Variants in ADGRL3 observed in about 807,000 individuals in gnomAD.
ADGRL3 encodes the protein adhesion G protein-coupled receptor L3.
Under a neutral mutation model 153.5 loss-of-function variants are expected in ADGRL3, and 62 were observed. The ratio of observed to expected loss-of-function variants is 0.40; its 90% CI spans 0.33 to 0.50. ADGRL3 has a LOEUF of 0.50. Among genes scored for constraint, ADGRL3 ranks in the 20% least tolerant of loss-of-function variants. The pLI, the probability that ADGRL3 is intolerant of heterozygous loss-of-function variation, is 0.47. For synonymous variants in ADGRL3, 710 were observed against 672.5 expected (o/e 1.06, Z -0.86); for missense variants, 1,641 against 1,859.4 (o/e 0.88, Z 2.16).
At position 62,055,423 on chromosome 4, in the gene ADGRL3, G is replaced by T. The variant is rs1286541305; in HGVS notation, c.3814+10874G>T. ...CATTTGAATGAAATTTAATAGGCAG[G>T]TTGATTAAAATTTAATAGCAAACTT... On this transcript the variant is annotated intron_variant, in intron 25 of 26. Coordinates refer to ENST00000683033, the MANE Select transcript of ADGRL3 (RefSeq NM_001387552.1). 3.3e-5 allele frequency among the ~76,000 whole-genome samples: 5 copies of T among 151,708 alleles called. No homozygotes were observed. In the East Asian group the frequency reaches 9.6e-4, roughly 29 times the overall value.
At chr4:61,325,109 C>T (rs557231943) in intron 1 of ADGRL3, among the ~76,000 whole-genome samples, 1 of 152,058 alleles carries the variant, frequency 6.6e-6, no homozygotes, top group South Asian at 2.1e-4. Context: ...GTCAGGAGAT[C>T]GAGACCATCC....
intron 4 of ADGRL3, among the ~76,000 whole-genome samples, chr4:61,566,173 A>C (rs911338255): frequency 1.4e-5 from 2 of 146,498 alleles, no homozygotes; most frequent in Admixed American, 1.3e-4. Context: ...GAAATCCAGG[A>C]TCAATATGTT....
intron 19 of ADGRL3, among the ~76,000 whole-genome samples, chr4:61,989,814 A>C (rs529965751): frequency 7.0e-4 from 107 of 152,174 alleles, no homozygotes; most frequent in Non-Finnish European, 1.2e-3. Flanking sequence ...TTCCACAGCT[A>C]TCATTAGACA....
chr4:61,274,851 G>T (rs985409766), intron 1 of ADGRL3, among the ~76,000 whole-genome samples: 1 of 152,048 alleles, frequency 6.6e-6, no homozygotes, highest in Non-Finnish European at 1.5e-5. Flanking sequence ...GGAGGATGGA[G>T]CCCAGAAGAT....
intron 8 of ADGRL3, among the ~76,000 whole-genome samples, chr4:61,800,519 G>A (rs946620511): frequency 2.0e-5 from 3 of 152,060 alleles, no homozygotes; most frequent in African/African-American, 7.2e-5. Context: ...AAAGCAGAGT[G>A]GCATTTAGTT....
chr4:61,859,259 A>T (rs1408802554), intron 9 of ADGRL3, among the ~76,000 whole-genome samples: 1 of 152,110 alleles, frequency 6.6e-6, no homozygotes, highest in African/African-American at 2.4e-5. Context: ...TTAAAACCTG[A>T]AGTTGTGGGC....
At chr4:61,351,195 C>T (rs2096041215) in intron 1 of ADGRL3, among the ~76,000 whole-genome samples, 1 of 152,184 alleles carries the variant, frequency 6.6e-6, no homozygotes, top group East Asian at 1.9e-4. Context: ...TCCCTTAAGC[C>T]AAAGCCTAAT....
chr4:61,235,684 T>C (rs577744361), intron 1 of ADGRL3, among the ~76,000 whole-genome samples: 1 of 152,284 alleles, frequency 6.6e-6, no homozygotes, highest in Non-Finnish European at 1.5e-5. Context: ...ATCCTGCTAC[T>C]ATTGGCTAAG....
At chr4:61,530,300 G>C (rs1021589251) in intron 4 of ADGRL3, among the ~76,000 whole-genome samples, 10 of 151,648 alleles carry the variant, frequency 6.6e-5, no homozygotes, top group Admixed American at 5.9e-4. Flanking sequence ...CTGTCAAGAG[G>C]TACAACTATA....
chr4:61,531,916 G>A (rs1265504348), intron 4 of ADGRL3, among the ~76,000 whole-genome samples: 1 of 152,132 alleles, frequency 6.6e-6, no homozygotes, highest in Non-Finnish European at 1.5e-5. Flanking sequence ...ACTTTAGAGT[G>A]TGTAATACAA....
At chr4:61,259,578 T>C (rs1560394258) in intron 1 of ADGRL3, among the ~76,000 whole-genome samples, 1 of 152,294 alleles carries the variant, frequency 6.6e-6, no homozygotes, top group East Asian at 1.9e-4. Flanking sequence ...GGGTTTTCAC[T>C]TTTATCCTCG....
chr4:61,955,942 G>A (rs1174240264), intron 17 of ADGRL3, among the ~76,000 whole-genome samples: 2 of 152,046 alleles, frequency 1.3e-5, no homozygotes, highest in African/African-American at 2.4e-5. Context: ...ATCATTGGTG[G>A]GCAATTGGTT....
At chr4:61,765,099 AC>A (rs1336629969) in intron 8 of ADGRL3, among the ~76,000 whole-genome samples, 8 of 152,106 alleles carry the variant, frequency 5.3e-5, no homozygotes, top group African/African-American at 1.9e-4. Context: ...TTATGTATTT[AC>A]TTCAAGAGTT....
At chr4:61,612,244 C>T (rs183209132) in intron 5 of ADGRL3, among the ~76,000 whole-genome samples, 28 of 152,012 alleles carry the variant, frequency 1.8e-4, no homozygotes, top group African/African-American at 6.5e-4. Context: ...ATTTTGATAC[C>T]CTTCTGTCTT....
intron 8 of ADGRL3, among the ~76,000 whole-genome samples, chr4:61,768,320 G>A (rs574052229): frequency 3.1e-4 from 47 of 152,082 alleles, no homozygotes; most frequent in African/African-American, 6.8e-4. Context: ...AAGAATTGGG[G>A]CCTAGCTTGG....
chr4:61,318,789 A>G (rs958451775), intron 1 of ADGRL3, among the ~76,000 whole-genome samples: 4 of 152,224 alleles, frequency 2.6e-5, no homozygotes, highest in African/African-American at 9.6e-5. Flanking sequence ...TGCAAAAATG[A>G]AAACTTCAGT....
At chr4:61,847,081 T>C (rs1289025317) in intron 9 of ADGRL3, among the ~76,000 whole-genome samples, 1 of 151,724 alleles carries the variant, frequency 6.6e-6, no homozygotes, top group Non-Finnish European at 1.5e-5. Context: ...CAACATGAGA[T>C]TTGGATGGGG....
Position 61,825,444 on chromosome 4 carries a change from A to G in ADGRL3, c.1480+11555A>G, listed in dbSNP as rs531670711. 2.0e-5 allele frequency among the ~76,000 whole-genome samples: 3 copies of G among 152,366 alleles called. No individual in the cohort carries two copies. In the South Asian group the frequency reaches 6.2e-4, roughly 32 times the overall value. ...CAAAAGCTTAGTATATCTCACATAT[A>G]GTAAGATCAAATAAAAAAGTTCTCA... On this transcript the variant is annotated intron_variant, in intron 9 of 26. Coordinates refer to ENST00000683033, the MANE Select transcript of ADGRL3 (RefSeq NM_001387552.1).
chr4:61,732,457 T>C (rs1373698560), intron 7 of ADGRL3, among the ~76,000 whole-genome samples: 2 of 152,192 alleles, frequency 1.3e-5, no homozygotes, highest in African/African-American at 4.8e-5. Flanking sequence ...AGACATATGT[T>C]ACATCTGATA....
Sources: gnomAD v4.1 joint callset for allele counts (sites outside exome capture counted in the v4.1 genomes callset) on GRCh38, gnomAD v4.1.1 for gene constraint, MANE v1.5 for transcripts, NCBI Gene and HGNC (gene_info 2026-07-23, HGNC 2026-07-21) for gene names.